The following PALLD variants were observed in gnomAD, a reference collection of about 807,000 sequenced individuals.
The protein encoded by PALLD is palladin.
Under a neutral mutation model 123.5 loss-of-function variants are expected in PALLD, and 61 were observed. That is an observed-to-expected ratio of 0.49 (90% CI 0.40 to 0.61). The LOEUF (loss-of-function observed/expected upper bound fraction) is 0.61, where lower values mean the gene tolerates loss of function less well. Ranked by LOEUF, PALLD falls within the 20% of genes least tolerant of loss-of-function variation. The probability of loss-of-function intolerance (pLI) is 0.00; values close to 1 mark genes in which losing one functional copy is unlikely to be tolerated. For missense variants in PALLD, 1,273 were observed against 1,377.0 expected (o/e 0.92, Z 1.20); for synonymous variants, 465 against 496.4 (o/e 0.94, Z 0.84).
chr4:168,750,757 A>G (rs545494920), intron 10 of PALLD, among the ~76,000 whole-genome samples: 1 of 152,174 alleles, frequency 6.6e-6, no homozygotes, highest in African/African-American at 2.4e-5. Context: ...TCCTGTCCCC[A>G]TCCCCTAGTT....
intron 2 of PALLD, among the ~76,000 whole-genome samples, chr4:168,657,064 T>G (rs1778653785): frequency 1.3e-5 from 2 of 152,216 alleles, no homozygotes. Context: ...GTATTAAATG[T>G]CACCACCATA....
rs1176977997 is a variant in PALLD, at chr4:168,609,114, G to A, written c.909-59076G>A. 6.6e-5 allele frequency among the ~76,000 whole-genome samples: 10 copies of A among 152,012 alleles called. No homozygotes were observed. In the East Asian group the frequency reaches 1.4e-3, roughly 21 times the overall value. On this transcript the variant is annotated intron_variant, in intron 2 of 21. Transcript: ENST00000505667. ...GGACTCAAACTTCCTTTATTCAGAC[G>A]CTGTGGCTCGGGTCAAGATACATAT...
intron 10 of PALLD, among the ~76,000 whole-genome samples, chr4:168,824,213 G>T (rs1743108944): frequency 6.6e-6 from 1 of 152,136 alleles, no homozygotes; most frequent in African/African-American, 2.4e-5. Context: ...CTTTTCACTT[G>T]CATTGAAAAC....
intron 10 of PALLD, among the ~76,000 whole-genome samples, chr4:168,794,422 C>T (rs756112185): frequency 6.7e-6 from 1 of 150,302 alleles, no homozygotes; most frequent in Non-Finnish European, 1.5e-5. Context: ...CATGCGCACA[C>T]GCATGCGCGC....
intron 17 of PALLD, among the ~76,000 whole-genome samples, chr4:168,916,911 C>T (rs1760240148): frequency 1.3e-5 from 2 of 151,758 alleles, no homozygotes; most frequent in Admixed American, 1.3e-4. Flanking sequence ...CTTCATGATC[C>T]GCCCACCTCA....
At chr4:168,730,542 A>G (rs192935322) in intron 10 of PALLD, among the ~76,000 whole-genome samples, 9 of 152,092 alleles carry the variant, frequency 5.9e-5, no homozygotes, top group Admixed American at 4.6e-4. Flanking sequence ...GAGGCTTTCC[A>G]TAAACATGGA....
chr4:168,788,489 G>C (rs988290623), intron 10 of PALLD, among the ~76,000 whole-genome samples: 7 of 152,194 alleles, frequency 4.6e-5, no homozygotes, highest in Non-Finnish European at 1.0e-4. Context: ...GATGAATAGG[G>C]AGAGCACAGA....
chr4:168,551,096 T>C (rs1766683928), intron 2 of PALLD, among the ~76,000 whole-genome samples: 1 of 152,236 alleles, frequency 6.6e-6, no homozygotes, highest in Non-Finnish European at 1.5e-5. Flanking sequence ...AAAGACTTAT[T>C]ACAAATCACA....
chr4:168,910,502 T>G (rs557989367), intron 15 of PALLD, among the ~76,000 whole-genome samples: 2 of 152,276 alleles, frequency 1.3e-5, no homozygotes, highest in South Asian at 4.1e-4. Flanking sequence ...AAAATTCCAT[T>G]ACATAAACAA....
chr4:168,592,690 C>T (rs1454327572), intron 2 of PALLD, among the ~76,000 whole-genome samples: 40 of 151,662 alleles, frequency 2.6e-4, no homozygotes, highest in Admixed American at 2.6e-3. Flanking sequence ...TTATGCCTTA[C>T]ATATCATATC....
chr4:168,737,907 G>A (rs746594200), intron 10 of PALLD, among the ~76,000 whole-genome samples: 12 of 152,200 alleles, frequency 7.9e-5, no homozygotes, highest in African/African-American at 2.9e-4. Context: ...AGCAAAACAC[G>A]CATAGCATGC....
chr4:168,721,894 A>G (rs7675149), intron 10 of PALLD, among the ~76,000 whole-genome samples: 12,292 of 152,292 alleles, frequency 0.081, 500 homozygotes, highest in South Asian at 0.12. Context: ...ATCCTTCCCC[A>G]GAAAATGTCC....
chr4:168,791,583 G>T (rs1414753863), intron 10 of PALLD, among the ~76,000 whole-genome samples: 1 of 152,106 alleles, frequency 6.6e-6, no homozygotes, highest in African/African-American at 2.4e-5. Flanking sequence ...GGGGAAACGG[G>T]CCCCATGATT....
intron 10 of PALLD, among the ~76,000 whole-genome samples, chr4:168,815,513 T>C (rs754612042): frequency 1.3e-5 from 2 of 152,218 alleles, no homozygotes; most frequent in South Asian, 2.1e-4. Flanking sequence ...AATAGGGAAA[T>C]ACACTTTGGG....
intron 10 of PALLD, among the ~76,000 whole-genome samples, chr4:168,782,483 AC>A (rs1411229547): frequency 1.3e-5 from 2 of 152,250 alleles, no homozygotes; most frequent in Non-Finnish European, 2.9e-5. Context: ...TTTTCTAAAA[AC>A]AAAAAACCAA....
At position 168,927,543 on chromosome 4, in the gene PALLD, T is replaced by TGAAG; in HGVS notation, c.*1368_*1371dup. 4.3e-6 allele frequency: 1 copy of TGAAG among 230,996 alleles called. No individual in the cohort carries two copies. The highest frequency in any genetic ancestry group is 8.6e-6 in the Non-Finnish European group (1 of 116,570). The allele number at this position is 230,996 out of a possible 1,614,324, so 14.3% of individuals were successfully genotyped here. On this transcript the variant is annotated 3_prime_UTR_variant, in exon 22 of 22. Transcript: ENST00000505667. ...AATTGCCTGTAGCATCTAGTCTACT[T>TGAAG]GAAGGAAGTGGAGACATAAGGAGAG...
intron 10 of PALLD, among the ~76,000 whole-genome samples, chr4:168,747,009 AATAGTCCATCTG>A (rs1365324124): frequency 1.3e-5 from 2 of 152,240 alleles, no homozygotes; most frequent in African/African-American, 2.4e-5. Flanking sequence ...CCAGAGCTAA[AATAGTCCATCTG>A]ATAGAGACAT....
intron 10 of PALLD, among the ~76,000 whole-genome samples, chr4:168,720,766 C>T (rs1339399833): frequency 6.6e-6 from 1 of 152,206 alleles, no homozygotes; most frequent in Admixed American, 6.5e-5. Flanking sequence ...AAGGTATTTG[C>T]ATTAGCAGTG....
intron 8 of PALLD, among the ~76,000 whole-genome samples, chr4:168,692,731 G>A (rs1782746559): frequency 6.6e-6 from 1 of 152,162 alleles, no homozygotes. Flanking sequence ...AAAATTTTGA[G>A]CCAAAAATTG....
Sources: allele counts gnomAD v4.1 joint callset (sites outside exome capture counted in the v4.1 genomes callset), GRCh38; gene constraint gnomAD v4.1.1; transcripts MANE v1.5; gene names NCBI Gene and HGNC (gene_info 2026-07-23, HGNC 2026-07-21).